PAK1: variants seen among roughly 807,000 people sequenced by gnomAD.
The protein encoded by PAK1 is p21 (RAC1) activated kinase 1.
PAK1 carries 29 observed loss-of-function variants against 67.4 expected under a neutral mutation model. The ratio of observed to expected loss-of-function variants is 0.43; its 90% CI spans 0.32 to 0.59. The LOEUF (loss-of-function observed/expected upper bound fraction) is 0.59. Ranked by LOEUF, PAK1 falls within the 20% of genes least tolerant of loss-of-function variation. PAK1 has a pLI of 0.07. For synonymous variants in PAK1, 223 were observed against 237.4 expected, an observed-to-expected ratio of 0.94 and a Z score of 0.56; for missense variants, 337 against 670.7, an observed-to-expected ratio of 0.50 and a Z score of 5.50.
intron 14 of PAK1, among the ~76,000 whole-genome samples, chr11:77,328,432 T>C (rs1940597001): frequency 6.6e-6 from 1 of 152,118 alleles, no homozygotes; most frequent in South Asian, 2.1e-4. Context: ...TATAACAAAC[T>C]GTCTCTCAGA....
chr11:77,452,681 G>A (rs1956910464), intron 1 of PAK1, among the ~76,000 whole-genome samples: 2 of 152,182 alleles, frequency 1.3e-5, no homozygotes, highest in Non-Finnish European at 2.9e-5. Flanking sequence ...CAGCACCAAA[G>A]AGTAGAAATT....
At chr11:77,508,527 C>T in the PAK1 span, among the ~76,000 whole-genome samples, 1 of 152,094 alleles carries the variant, frequency 6.6e-6, no homozygotes, top group Non-Finnish European at 1.5e-5. Flanking sequence ...TGGCCAGTTC[C>T]AGCAAACCAC....
At chr11:77,512,930 C>T in the PAK1 span, among the ~76,000 whole-genome samples, 2 of 151,938 alleles carry the variant, frequency 1.3e-5, no homozygotes, top group Non-Finnish European at 2.9e-5. Flanking sequence ...CCTGTCTCTA[C>T]AGAAAATACA....
the PAK1 span, among the ~76,000 whole-genome samples, chr11:77,515,251 A>G: frequency 3.9e-5 from 6 of 152,294 alleles, no homozygotes; most frequent in East Asian, 5.8e-4. Context: ...AGATAATTCA[A>G]TTGCTGCTGA....
the PAK1 span, among the ~76,000 whole-genome samples, chr11:77,512,063 G>A: frequency 2.6e-4 from 39 of 152,256 alleles, no homozygotes; most frequent in African/African-American, 8.7e-4. Context: ...GCTTACAAGA[G>A]TCGATACTGC....
intron 1 of PAK1, among the ~76,000 whole-genome samples, chr11:77,459,810 A>G (rs2135472205): frequency 7.2e-6 from 1 of 138,370 alleles, no homozygotes; most frequent in South Asian, 2.2e-4. Flanking sequence ...CTCCTGCCTG[A>G]GCCACCCCCG....
Position 77,323,038 on chromosome 11 carries a change from C to G in PAK1, c.*236G>C. On this transcript the variant is annotated 3_prime_UTR_variant, in exon 15 of 15. Coordinates refer to ENST00000356341, the MANE Select transcript of PAK1 (RefSeq NM_002576.5). ...CCTTAATCATAAACCACCCTCATAT[C>G]CATGAATTGGGAGGAAATTCCTTAT... 2 of 746,698 alleles carry G rather than the reference C, an allele frequency of 2.7e-6. No individual in the cohort carries two copies. Among genetic ancestry groups the G allele is most frequent in the South Asian group, 3.0e-5 (2 of 67,144 alleles). The allele number at this position is 746,698 out of a possible 1,614,324, so 46.3% of individuals were successfully genotyped here.
chr11:77,470,026 T>C (rs941385489), intron 1 of PAK1, among the ~76,000 whole-genome samples: 1 of 152,172 alleles, frequency 6.6e-6, no homozygotes, highest in Admixed American at 6.5e-5. Flanking sequence ...TGTAGTGAGA[T>C]GTATTCTTTT....
chr11:77,401,478 C>T (rs759836194), intron 1 of PAK1, among the ~76,000 whole-genome samples: 1 of 152,112 alleles, frequency 6.6e-6, no homozygotes, highest in African/African-American at 2.4e-5. Flanking sequence ...AAAGTTATCA[C>T]GAGAATTAAC....
At chr11:77,392,670 T>A in intron 1 of PAK1, 129 bp from the exon 2 acceptor site, 1 of 583,646 alleles carries the variant, frequency 1.7e-6, no homozygotes, top group Non-Finnish European at 2.9e-6. Context: ...GTCCTTCCAC[T>A]GCACACCATG....
chr11:77,336,056 A>G, intron 13 of PAK1, 30 bp downstream of exon 13: 1 of 1,440,124 alleles, frequency 6.9e-7, no homozygotes, highest in Non-Finnish European at 9.6e-7. Flanking sequence ...AACAGCCCAA[A>G]TAACTTGAAA....
At chr11:77,474,801 C>G (rs1033352286), upstream of PAK1, 3 of 152,132 alleles carry the variant, frequency 2.0e-5, no homozygotes, top group African/African-American at 7.2e-5. Context: ...AGGGTACTTT[C>G]GACCCAAAGC....
chr11:77,474,514 A>G (rs1958025602), upstream of PAK1: 1 of 152,194 alleles, frequency 6.6e-6, no homozygotes, highest in African/African-American at 2.4e-5. Flanking sequence ...CTACTGTAGT[A>G]GTCAGGATGG....
At chr11:77,506,352 A>T in the PAK1 span, among the ~76,000 whole-genome samples, 1 of 152,176 alleles carries the variant, frequency 6.6e-6, no homozygotes, top group East Asian at 1.9e-4. Flanking sequence ...CATAGAGAGG[A>T]TTCAAAAAAT....
intron 10 of PAK1, among the ~76,000 whole-genome samples, chr11:77,343,454 TAAAC>T (rs945764386): frequency 3.9e-5 from 6 of 152,088 alleles, no homozygotes; most frequent in Non-Finnish European, 8.8e-5. Context: ...TAAGAGAACA[TAAAC>T]AAACAACAAG....
chr11:77,415,008 A>T (rs990371714), intron 1 of PAK1, among the ~76,000 whole-genome samples: 3 of 152,228 alleles, frequency 2.0e-5, no homozygotes, highest in Non-Finnish European at 4.4e-5. Context: ...CAAAATATAC[A>T]TAGAACTCTT....
At position 77,355,654 on chromosome 11, in the gene PAK1, T is replaced by C. The variant is rs772256650; in HGVS notation, c.772+14A>G. On this transcript the variant is annotated intron_variant, in intron 7 of 14. Transcript: ENST00000356341. ...TAAAACGAAGAAAGGTTCAGAAAGC[T>C]ACAAATTCCTTACGTAATTTCTCCA... 1.9e-6 allele frequency: 3 copies of C among 1,606,174 alleles called. No individual in the cohort carries two copies. The highest frequency in any genetic ancestry group is 2.6e-6 in the Non-Finnish European group (3 of 1,173,242).
intron 13 of PAK1, among the ~76,000 whole-genome samples, chr11:77,335,299 C>T (rs940790118): frequency 3.3e-5 from 5 of 152,192 alleles, no homozygotes; most frequent in Non-Finnish European, 5.9e-5. Context: ...ACTTCTCACC[C>T]TTGAACTCCA....
At chr11:77,513,178 C>T in the PAK1 span, among the ~76,000 whole-genome samples, 1 of 152,160 alleles carries the variant, frequency 6.6e-6, no homozygotes, top group East Asian at 1.9e-4. Flanking sequence ...TCAGTTGCTG[C>T]TGAGTCAAAT....
Sources: allele counts gnomAD v4.1 joint callset (sites outside exome capture counted in the v4.1 genomes callset), GRCh38; gene constraint gnomAD v4.1.1; transcripts MANE v1.5; gene names NCBI Gene and HGNC (gene_info 2026-07-23, HGNC 2026-07-21).